The following CUL5 variants were observed in gnomAD, a reference collection of about 807,000 sequenced individuals.
CUL5 encodes the protein cullin-5.
A neutral mutation model predicts 108.8 loss-of-function variants in CUL5; 26 were observed. That is an observed-to-expected ratio of 0.24 (90% CI 0.18 to 0.33). The LOEUF is 0.33. Among genes scored for constraint, CUL5 ranks in the 10% least tolerant of loss-of-function variants. The pLI is 1.00. For missense variants in CUL5, 524 were observed against 909.2 expected (o/e 0.58, Z 5.45); for synonymous variants, 334 against 298.0 (o/e 1.12, Z -1.25).
In CUL5 at chr11:108,009,314, C is replaced by T. The variant is rs530106522; in HGVS notation, c.-35C>T. On this transcript the variant is annotated 5_prime_UTR_variant, in exon 1 of 19. Transcript: ENST00000393094. ...GGCCTGGCCGGGAGCGCCACGAATT[C>T]TCGCGTCGTCTCGCGAGAGTCCAAG... 1.4e-5 allele frequency: 23 copies of T among 1,609,520 alleles called. No homozygotes were observed. In the South Asian group the frequency reaches 1.4e-4, roughly 10 times the overall value.
At chr11:108,100,057 A>G (rs2135248674) in intron 18 of CUL5, among the ~76,000 whole-genome samples, 1 of 152,202 alleles carries the variant, frequency 6.6e-6, no homozygotes, top group African/African-American at 2.4e-5. Context: ...AAATTTTAAA[A>G]TTTCACATGA....
intron 2 of CUL5, among the ~76,000 whole-genome samples, chr11:108,040,933 C>G (rs1862887793): frequency 6.6e-6 from 1 of 152,180 alleles, no homozygotes; most frequent in Non-Finnish European, 1.5e-5. Context: ...TATCTAACTC[C>G]ACCCCCTTTT....
intron 11 of CUL5, among the ~76,000 whole-genome samples, chr11:108,086,059 T>C (rs1432657744): frequency 2.6e-5 from 4 of 152,304 alleles, no homozygotes; most frequent in Admixed American, 2.6e-4. Flanking sequence ...GGAAAGAAAG[T>C]GTCTAAAACC....
At chr11:108,060,389 A>C (rs904362079) in intron 7 of CUL5, among the ~76,000 whole-genome samples, 10 of 152,236 alleles carry the variant, frequency 6.6e-5, no homozygotes, top group African/African-American at 2.2e-4. Flanking sequence ...GGGGGAACTT[A>C]AGATAATTTT....
In CUL5 at chr11:108,048,848, G is replaced by C. The variant is rs532213387; in HGVS notation, c.235-1042G>C. On this transcript the variant is annotated intron_variant, in intron 3 of 18. Coordinates refer to ENST00000393094, the MANE Select transcript of CUL5 (RefSeq NM_003478.6). ...TGCCTGGCTAATTTTTGTATTTTTAGTAGAGATGGGGTTTCACCATGTTGG... is the reference window on the plus strand; with the variant it reads ...TGCCTGGCTAATTTTTGTATTTTTACTAGAGATGGGGTTTCACCATGTTGG... 5.9e-5 allele frequency among the ~76,000 whole-genome samples: 9 copies of C among 151,856 alleles called. No homozygotes were observed. The East Asian group carries it at 1.5e-3, about 26-fold the overall frequency.
chr11:108,013,394 T>C (rs1327817541), intron 1 of CUL5, among the ~76,000 whole-genome samples: 4 of 152,250 alleles, frequency 2.6e-5, no homozygotes, highest in South Asian at 2.1e-4. Context: ...CATATCACTT[T>C]CCTGTTCAGA....
At chr11:108,031,090 G>C (rs1029653518) in intron 1 of CUL5, among the ~76,000 whole-genome samples, 3 of 152,078 alleles carry the variant, frequency 2.0e-5, no homozygotes, top group Non-Finnish European at 4.4e-5. Flanking sequence ...TCATGAGTCT[G>C]GGCCTGGTGG....
chr11:108,059,024 C>G (rs189068927), intron 7 of CUL5, among the ~76,000 whole-genome samples: 1 of 152,076 alleles, frequency 6.6e-6, no homozygotes, highest in Non-Finnish European at 1.5e-5. Context: ...TTTTAAGAGG[C>G]AGAGTCTCGC....
intron 7 of CUL5, among the ~76,000 whole-genome samples, chr11:108,065,582 T>G (rs922593933): frequency 6.6e-6 from 1 of 152,146 alleles, no homozygotes; most frequent in Non-Finnish European, 1.5e-5. Flanking sequence ...GAAAGGGTGG[T>G]GGTGAGTTCA....
rs1203869202 is a variant in CUL5 at position 108,079,680 on chromosome 11, C to T, written c.1178+1440C>T. Among the ~76,000 whole-genome samples, 5 of 152,096 alleles carry T rather than the reference C, an allele frequency of 3.3e-5. No homozygotes were observed. In the South Asian group the frequency reaches 6.2e-4, roughly 19 times the overall value. ...GTCAGATTTGACAAATGCCTATACCCCTATTAACATGTATGATGTCTTTAT... is the reference window on the plus strand; with the variant it reads ...GTCAGATTTGACAAATGCCTATACCTCTATTAACATGTATGATGTCTTTAT... On this transcript the variant is annotated intron_variant, in intron 11 of 18. Transcript: ENST00000393094.
chr11:108,059,848 C>T (rs1379324670), intron 7 of CUL5, among the ~76,000 whole-genome samples: 6 of 150,494 alleles, frequency 4.0e-5, no homozygotes, highest in Non-Finnish European at 8.8e-5. Flanking sequence ...CACACCATTG[C>T]GCTCCAGCCT....
At chr11:108,085,439 A>C (rs940761958) in intron 11 of CUL5, among the ~76,000 whole-genome samples, 5 of 152,160 alleles carry the variant, frequency 3.3e-5, no homozygotes, top group Non-Finnish European at 5.9e-5. Flanking sequence ...GGGGATGGGA[A>C]GTTACTGTTC....
At chr11:108,087,921 C>A (rs564989253) in intron 11 of CUL5, among the ~76,000 whole-genome samples, 2 of 152,046 alleles carry the variant, frequency 1.3e-5, no homozygotes, top group Admixed American at 6.5e-5. Flanking sequence ...GCCAAGATGG[C>A]ATCATTGCAC....
rs1862657122 is a variant in CUL5 at position 108,033,852 on chromosome 11, T to G, written c.75T>G (p.Ile25Met). Residue 25 changes from isoleucine to methionine, a missense_variant, in exon 2 of 19, where the codon ATT becomes ATG. Ile to Met is a conservative substitution (Grantham distance 10). This residue lies in a region of CUL5 where 76 missense variants were observed against 90.8 expected (regional missense o/e 0.84). Transcript: ENST00000393094. ...ACAAATGGGATTTTATGCGCCCGAT[T>G]GTTTTGAAGCTTTTACGCCAGGAAT... ...FEDKWDFMRP[I>M]VLKLLRQESV... The G allele has an allele frequency of 1.2e-6, 2 of 1,613,798 alleles. No homozygotes were observed. The highest frequency in any genetic ancestry group is 1.7e-6 in the Non-Finnish European group (2 of 1,179,804).
At chr11:108,034,989 A>T (rs1411527442) in intron 2 of CUL5, among the ~76,000 whole-genome samples, 1 of 152,164 alleles carries the variant, frequency 6.6e-6, no homozygotes, top group Non-Finnish European at 1.5e-5. Flanking sequence ...AGAAAACATC[A>T]GTTCCTTTCT....
At chr11:108,077,317 T>C (rs763797134) in intron 10 of CUL5, among the ~76,000 whole-genome samples, 2 of 152,244 alleles carry the variant, frequency 1.3e-5, no homozygotes, top group African/African-American at 2.4e-5. Flanking sequence ...AACCATTGTC[T>C]TCAGCAACAT....
intron 1 of CUL5, among the ~76,000 whole-genome samples, chr11:108,023,718 A>T (rs1019689842): frequency 6.6e-6 from 1 of 152,216 alleles, no homozygotes; most frequent in African/African-American, 2.4e-5. Flanking sequence ...AAGCTCCCCA[A>T]AATAAGTTTA....
intron 2 of CUL5, among the ~76,000 whole-genome samples, chr11:108,036,827 G>A (rs1862757974): frequency 6.6e-6 from 1 of 152,136 alleles, no homozygotes; most frequent in Non-Finnish European, 1.5e-5. Context: ...AGTAAATTCA[G>A]TGTTTATAAG....
In CUL5 at chr11:108,074,190, A is replaced by ATT. The variant is rs34367275; in HGVS notation, c.1113+713_1113+714dup. On this transcript the variant is annotated intron_variant, in intron 10 of 18. Transcript: ENST00000393094. ...TTTCTCACTCTTTTTGTCTATTTTA[A>ATT]TTTTTTTTTTTTTTTTTTTTTGAGA... 793 of 118,138 alleles carry ATT rather than the reference A, an allele frequency of 6.7e-3. 18 individuals carry two copies. Among genetic ancestry groups the ATT allele is most frequent in the African/African-American group, 0.018 (530 of 29,568 alleles). The allele number at this position is 118,138 out of a possible 1,614,324, so 7.3% of individuals were successfully genotyped here.
Sources: gnomAD v4.1 joint callset for allele counts (sites outside exome capture counted in the v4.1 genomes callset) on GRCh38, gnomAD v4.1.1 for gene constraint, gnomAD v4.1.1 regional missense constraint, MANE v1.5 for transcripts, NCBI Gene and HGNC (gene_info 2026-07-23, HGNC 2026-07-21) for gene names.